The following APBA1 variants were observed in gnomAD, a reference collection of about 807,000 sequenced individuals.
The protein encoded by APBA1 is amyloid-beta A4 precursor protein-binding family A member 1.
In APBA1, 55 loss-of-function variants were observed where a neutral mutation model predicts 86.6. The observed-to-expected ratio is 0.64, with a 90% CI of 0.51 to 0.80. APBA1 has a LOEUF of 0.80. Among genes scored for constraint, APBA1 ranks in the 30% least tolerant of loss-of-function variants. APBA1 has a pLI of 0.00. For synonymous variants in APBA1, 511 were observed against 493.9 expected, an observed-to-expected ratio of 1.03 and a Z score of -0.46; for missense variants, 1,090 against 1,183.0, an observed-to-expected ratio of 0.92 and a Z score of 1.15.
chr9:69,596,920 G>A (rs1433254967), intron 1 of APBA1, among the ~76,000 whole-genome samples: 2 of 152,206 alleles, frequency 1.3e-5, no homozygotes, highest in Non-Finnish European at 2.9e-5. Flanking sequence ...CAGCTGAAAT[G>A]GTAGTGGCTA....
intron 4 of APBA1, among the ~76,000 whole-genome samples, chr9:69,471,404 G>T (rs1835364106): frequency 6.6e-6 from 1 of 152,120 alleles, no homozygotes; most frequent in African/African-American, 2.4e-5. Flanking sequence ...CATGACACTG[G>T]GTAAAGCCCA....
chr9:69,468,338 G>T (rs1180868603), intron 4 of APBA1, among the ~76,000 whole-genome samples: 1 of 152,162 alleles, frequency 6.6e-6, no homozygotes, highest in Admixed American at 6.5e-5. Flanking sequence ...TCACCCAGGT[G>T]GTATCAACTA....
Position 69,450,771 on chromosome 9 carries a change from A to G in APBA1, c.1969-975T>C, listed in dbSNP as rs116366038. Among the ~76,000 whole-genome samples the G allele has an allele frequency of 9.6e-3, 1,467 of 152,248 alleles. 18 individuals carry two copies. Among genetic ancestry groups the G allele is most frequent in the African/African-American group, 0.034 (1,398 of 41,522 alleles). ...GGTGATTAATATGGACTCTAATCCAATATTACTCATGTCCTTATTTAAGAA... is the reference window on the plus strand; with the variant it reads ...GGTGATTAATATGGACTCTAATCCAGTATTACTCATGTCCTTATTTAAGAA... On this transcript the variant is annotated intron_variant, in intron 9 of 12. Transcript: ENST00000265381.
chr9:69,536,247 C>T (rs1277289658), intron 1 of APBA1, among the ~76,000 whole-genome samples: 1 of 149,186 alleles, frequency 6.7e-6, no homozygotes, highest in Non-Finnish European at 1.5e-5. Context: ...ATATGGAACC[C>T]CTAAAACTGA....
intron 1 of APBA1, among the ~76,000 whole-genome samples, chr9:69,592,138 G>A (rs1006154127): frequency 6.6e-6 from 1 of 152,160 alleles, no homozygotes; most frequent in African/African-American, 2.4e-5. Flanking sequence ...TTTTTCTACA[G>A]ATACATTCAT....
chr9:69,606,735 G>A (rs1024506739), intron 1 of APBA1, among the ~76,000 whole-genome samples: 3 of 151,832 alleles, frequency 2.0e-5, no homozygotes, highest in South Asian at 2.1e-4. Context: ...CTCGTGATGC[G>A]CACGCCTCGG....
At chr9:69,513,757 T>C (rs1476648468) in intron 2 of APBA1, among the ~76,000 whole-genome samples, 4 of 152,242 alleles carry the variant, frequency 2.6e-5, no homozygotes, top group African/African-American at 9.6e-5. Flanking sequence ...CAGAAAATGC[T>C]GACTATTCCT....
chr9:69,482,664 A>T (rs1423766590), intron 2 of APBA1, among the ~76,000 whole-genome samples: 1 of 151,818 alleles, frequency 6.6e-6, no homozygotes, highest in Non-Finnish European at 1.5e-5. Flanking sequence ...CTATAAAGAC[A>T]CATGCACACG....
intron 1 of APBA1, among the ~76,000 whole-genome samples, chr9:69,523,497 G>GTATATATATATA: frequency 3.2e-5 from 1 of 30,904 alleles, no homozygotes; most frequent in African/African-American, 9.2e-5. Context: ...ATATATATAT[G>GTATATATATATA]TATATATATA....
chr9:69,652,205 T>C (rs1823517511), intron 1 of APBA1, among the ~76,000 whole-genome samples: 2 of 152,340 alleles, frequency 1.3e-5, no homozygotes, highest in South Asian at 4.1e-4. Context: ...ACCCAGTCTA[T>C]GGTATTTGTT....
In APBA1 at chr9:69,655,701, C is replaced by G. The variant is rs1823595100; in HGVS notation, c.-70+16452G>C. Among the ~76,000 whole-genome samples, 3 of 151,974 alleles carry G rather than the reference C, an allele frequency of 2.0e-5. No homozygotes were observed. In the South Asian group the frequency reaches 6.2e-4, roughly 32 times the overall value. On this transcript the variant is annotated intron_variant, in intron 1 of 12. Coordinates refer to ENST00000265381, the MANE Select transcript of APBA1 (RefSeq NM_001163.4). Reference sequence around the variant, plus strand: ...ATAGAAACACCCATGGCATTCTTCACAGAAATAGAAAAACAATCCTAAAAT... The same window carrying G: ...ATAGAAACACCCATGGCATTCTTCAGAGAAATAGAAAAACAATCCTAAAAT...
chr9:69,500,597 G>T (rs576730461), intron 2 of APBA1, among the ~76,000 whole-genome samples: 4 of 152,200 alleles, frequency 2.6e-5, no homozygotes, highest in African/African-American at 9.6e-5. Context: ...GTGAATTACA[G>T]AGGCAACAGG....
intron 1 of APBA1, among the ~76,000 whole-genome samples, chr9:69,566,424 T>TTAA: frequency 6.6e-6 from 1 of 152,326 alleles, no homozygotes; most frequent in South Asian, 2.1e-4. Flanking sequence ...GTCTTTTATC[T>TTAA]GCCACTCCCT....
chr9:69,466,563 C>T (rs1483229622), intron 5 of APBA1, among the ~76,000 whole-genome samples: 1 of 152,170 alleles, frequency 6.6e-6, no homozygotes, highest in East Asian at 1.9e-4. Context: ...TCCTTGGGCA[C>T]ACCCCACACA....
chr9:69,476,977 A>T (rs1157331901), intron 2 of APBA1, among the ~76,000 whole-genome samples: 1 of 152,226 alleles, frequency 6.6e-6, no homozygotes, highest in Non-Finnish European at 1.5e-5. Context: ...AAGCACAGGG[A>T]TGGGACTGAT....
intron 1 of APBA1, among the ~76,000 whole-genome samples, chr9:69,669,876 G>T (rs4744929): frequency 0.97 from 148,466 of 152,362 alleles, 72,447 homozygotes; most frequent in East Asian, 1. Context: ...CTCTAAACAG[G>T]GTATTTACCT....
At chr9:69,632,159 G>A (rs1375447946) in intron 1 of APBA1, among the ~76,000 whole-genome samples, 2 of 151,830 alleles carry the variant, frequency 1.3e-5, no homozygotes, top group Non-Finnish European at 2.9e-5. Context: ...AGAAAGAAAA[G>A]CTATCATTAA....
chr9:69,437,286 C>T (rs1395532964), intron 11 of APBA1, among the ~76,000 whole-genome samples: 1 of 151,446 alleles, frequency 6.6e-6, no homozygotes, highest in African/African-American at 2.4e-5. Context: ...ATGATGCTGG[C>T]CTCATAAAAT....
intron 1 of APBA1, among the ~76,000 whole-genome samples, chr9:69,531,236 G>T (rs1208751978): frequency 6.6e-6 from 1 of 152,104 alleles, no homozygotes; most frequent in East Asian, 1.9e-4. Flanking sequence ...GACAGTTCTA[G>T]TCCTTCCTTC....
Sources: gnomAD v4.1 joint callset for allele counts (sites outside exome capture counted in the v4.1 genomes callset) on GRCh38, gnomAD v4.1.1 for gene constraint, MANE v1.5 for transcripts, NCBI Gene and HGNC (gene_info 2026-07-23, HGNC 2026-07-21) for gene names.